MARK4: variants seen among roughly 807,000 people sequenced by gnomAD.
MARK4 encodes the protein microtubule affinity regulating kinase 4, also known as MAP/microtubule affinity-regulating kinase 4.
MARK4 carries 19 observed loss-of-function variants against 81.5 expected under a neutral mutation model. The observed-to-expected ratio is 0.23, with a 90% confidence interval of 0.16 to 0.34. The LOEUF (loss-of-function observed/expected upper bound fraction) is 0.34, where lower values mean the gene tolerates loss of function less well. Ranked by LOEUF, MARK4 falls within the 10% of genes least tolerant of loss-of-function variation. The pLI, the probability that MARK4 is intolerant of heterozygous loss-of-function variation, is 1.00. For synonymous variants in MARK4, 436 were observed against 439.0 expected (o/e 0.99, Z 0.08); for missense variants, 772 against 1,058.8 (o/e 0.73, Z 3.76).
chr19:45,266,262 T>G lies in MARK4; in HGVS notation c.530T>G (p.Ile177Ser). Residue 177 changes from isoleucine (I) to serine (S), a missense_variant, in exon 7 of 17, where the codon ATT becomes AGT. Coordinates refer to ENST00000262891, the MANE Select transcript of MARK4 (RefSeq NM_001199867.2). The part of the protein sequence containing the change: ...SAVHYCHQKN[I>S]VHRDLKAENL... ...GTGCACTATTGTCACCAGAAAAATA[T>G]TGTACACAGGGACCTGAAGGTAAGC... The G allele has an allele frequency of 6.2e-7, 1 of 1,613,784 alleles. No homozygotes were observed. The highest frequency in any genetic ancestry group is 8.5e-7 in the Non-Finnish European group (1 of 1,179,804).
intron 7 of MARK4, among the ~76,000 whole-genome samples, chr19:45,267,949 C>T (rs149122522): frequency 6.6e-6 from 1 of 152,278 alleles, no homozygotes; most frequent in African/African-American, 2.4e-5. Flanking sequence ...GTGGGCACCA[C>T]CATGCCCAGC....
intron 15 of MARK4, among the ~76,000 whole-genome samples, chr19:45,298,445 C>T (rs1265697776): frequency 6.6e-6 from 1 of 152,188 alleles, no homozygotes; most frequent in East Asian, 1.9e-4. Flanking sequence ...GTCTCTGGGC[C>T]TGGTTTTCCT....
intron 13 of MARK4, among the ~76,000 whole-genome samples, chr19:45,290,036 G>T (rs1970801091): frequency 6.6e-6 from 1 of 152,086 alleles, no homozygotes; most frequent in Admixed American, 6.6e-5. Context: ...GGAGGCGGAG[G>T]TTGCAGTGAG....
Position 45,294,370 on chromosome 19 carries a change from A to G in MARK4, c.1516A>G (p.Met506Val). 2 of 1,614,108 alleles carry G rather than the reference A, an allele frequency of 1.2e-6. No homozygotes were observed. Among genetic ancestry groups the G allele is most frequent in the Non-Finnish European group, 1.7e-6 (2 of 1,179,994 alleles). Residue 506 changes from methionine (M) to valine (V), a missense_variant, in exon 14 of 17, where the codon ATG becomes GTG. Physicochemically the swap from Met to Val is conservative, Grantham distance 21. Around this residue, in one of 3 missense-constraint regions of MARK4, gnomAD observed 548 missense variants for 624.3 expected, o/e 0.88. Transcript: ENST00000262891. ...STPNNLPPSM[M>V]TRRNTYVCTE... The stretch of plus-strand genomic sequence containing the variant: ...GCAGAACAACCTCCCTCCTAGCATG[A>G]TGACCCGCAGAAACACCTACGTTTG...
intron 8 of MARK4, among the ~76,000 whole-genome samples, chr19:45,275,026 C>T (rs968072334): frequency 6.6e-6 from 1 of 152,032 alleles, no homozygotes; most frequent in Non-Finnish European, 1.5e-5. Flanking sequence ...CTTGGGTGGC[C>T]GAGGCGGGCA....
intron 13 of MARK4, among the ~76,000 whole-genome samples, chr19:45,290,336 T>G (rs1970805341): frequency 6.6e-6 from 1 of 152,258 alleles, no homozygotes; most frequent in Admixed American, 6.5e-5. Context: ...GCTGGTGGTG[T>G]CTGGCTGTTA....
At chr19:45,276,305 A>T (rs1970596935) in intron 8 of MARK4, among the ~76,000 whole-genome samples, 1 of 152,050 alleles carries the variant, frequency 6.6e-6, no homozygotes, top group Admixed American at 6.6e-5. Context: ...GGGATTATAG[A>T]CATAAGCCAC....
intron 2 of MARK4, among the ~76,000 whole-genome samples, chr19:45,262,373 G>A (rs1158819749): frequency 2.6e-5 from 4 of 151,770 alleles, no homozygotes; most frequent in South Asian, 2.1e-4. Context: ...GGGTGGGTGC[G>A]GAGAATGGGA....
rs58592372 is a variant in MARK4, at chr19:45,277,823, TTGTGTGTGTGTGTGTGTGTGTGTGTG to T, written c.787-78_787-53del. On this transcript the variant is annotated intron_variant, in intron 8 of 16. Transcript: ENST00000262891. ...TCTATCAAAGGGGTTGGGACAAAGG[TTGTGTGTGTGTGTGTGTGTGTGTGTG>T]TGTGTGTGTGTGTGTGTGTGTAATA... 9.5e-6 allele frequency: 7 copies of T among 735,628 alleles called. No homozygotes were observed. The South Asian group carries it at 1.2e-4, about 12-fold the overall frequency. 45.6% of individuals were successfully genotyped at this position (735,628 alleles called of 1,614,324 possible).
rs577360595 is a variant in MARK4, at chr19:45,272,123, G to A, written c.786+415G>A. ...GAGGCGGGAGGCTCACTTGAGCCTG[G>A]GAGTTCAAGACCAGCCTGGGCAACA... is the stretch of plus-strand genomic sequence containing the variant. On this transcript the variant is annotated intron_variant, in intron 8 of 16. Transcript: ENST00000262891. 1.3e-4 allele frequency among the ~76,000 whole-genome samples: 20 copies of A among 152,264 alleles called. No homozygotes were observed. The South Asian group carries it at 4.1e-3, about 32-fold the overall frequency.
At chr19:45,263,528 G>T (rs1196034570) in intron 4 of MARK4, among the ~76,000 whole-genome samples, 161 bp downstream of exon 4, 1 of 152,072 alleles carries the variant, frequency 6.6e-6, no homozygotes, top group Non-Finnish European at 1.5e-5. Context: ...GATCACTTGA[G>T]GTCAGGAGTT....
intron 4 of MARK4, among the ~76,000 whole-genome samples, chr19:45,264,076 C>A (rs1970416861): frequency 6.6e-6 from 1 of 152,152 alleles, no homozygotes; most frequent in African/African-American, 2.4e-5. Flanking sequence ...AGCATTTGTT[C>A]ATTCATTCAT....
intron 1 of MARK4, among the ~76,000 whole-genome samples, chr19:45,255,559 CAAA>C (rs34066317): frequency 5.5e-5 from 5 of 90,272 alleles, no homozygotes; most frequent in African/African-American, 2.1e-4. Flanking sequence ...GAAACTCTGC[CAAA>C]AAAAAAAAAA....
At chr19:45,262,546 C>T (rs1412075091) in intron 2 of MARK4, among the ~76,000 whole-genome samples, 4 of 152,206 alleles carry the variant, frequency 2.6e-5, no homozygotes, top group African/African-American at 9.6e-5. Flanking sequence ...CAGTGATCTT[C>T]ATTGCCCTCA....
At chr19:45,296,532 C>G (rs1487128554) in intron 14 of MARK4, among the ~76,000 whole-genome samples, 2 of 152,234 alleles carry the variant, frequency 1.3e-5, no homozygotes, top group Admixed American at 6.5e-5. Context: ...CTGCTTATAT[C>G]CCATTGGCCG....
At position 45,270,480 on chromosome 19, in the gene MARK4, T is replaced by G. The variant is rs892116295; in HGVS notation, c.550-992T>G. On this transcript the variant is annotated intron_variant, in intron 7 of 16. Coordinates refer to ENST00000262891, the MANE Select transcript of MARK4 (RefSeq NM_001199867.2). The stretch of plus-strand genomic sequence containing the variant: ...TTGAGCAATCAGGCCTTATTTTGTT[T>G]CTGCTGGGTAACTTGAGGCTCCAAG... Among the ~76,000 whole-genome samples the G allele has an allele frequency of 5.9e-5, 9 of 152,304 alleles. 1 individual carries two copies. Among genetic ancestry groups the G allele is most frequent in the Admixed American group, 3.9e-4 (6 of 15,290 alleles).
chr19:45,291,048 C>G (rs1206021832), intron 13 of MARK4, among the ~76,000 whole-genome samples: 1 of 152,088 alleles, frequency 6.6e-6, no homozygotes, highest in African/African-American at 2.4e-5. Flanking sequence ...CCTGAGTATT[C>G]CGGATAAGTA....
At chr19:45,288,552 CAAA>C (rs60847753) in intron 13 of MARK4, 15 of 100,628 alleles carry the variant, frequency 1.5e-4, no homozygotes, top group South Asian at 3.5e-4. Flanking sequence ...GACTCCATTT[CAAA>C]AAAAAAAAAA....
At chr19:45,258,959 G>C (rs1970344576) in intron 1 of MARK4, 30 bp from the exon 2 acceptor site, 1 of 1,603,952 alleles carries the variant, frequency 6.2e-7, no homozygotes, top group Admixed American at 1.7e-5. Flanking sequence ...GGTGGGATTG[G>C]ATAGCTCATG....
Sources: gnomAD v4.1 joint callset for allele counts (sites outside exome capture counted in the v4.1 genomes callset) on GRCh38, gnomAD v4.1.1 for gene constraint, gnomAD v4.1.1 regional missense constraint, MANE v1.5 for transcripts, NCBI Gene and HGNC (gene_info 2026-07-23, HGNC 2026-07-21) for gene names.